The following MEIS2 variants were observed in gnomAD, a reference collection of about 807,000 sequenced individuals.
MEIS2 encodes homeobox protein Meis2.
Under a neutral mutation model 58.6 loss-of-function variants are expected in MEIS2, and 9 were observed. The ratio of observed to expected loss-of-function variants is 0.15; its 90% CI spans 0.09 to 0.27. The LOEUF (loss-of-function observed/expected upper bound fraction) is 0.27. MEIS2 is among the 10% of genes least tolerant of loss of function. MEIS2 has a pLI of 1.00. For missense variants in MEIS2, 427 were observed against 635.0 expected (o/e 0.67, Z 3.52); for synonymous variants, 221 against 228.4 (o/e 0.97, Z 0.29).
At chr15:36,957,290 C>G (rs141143679) in intron 8 of MEIS2, among the ~76,000 whole-genome samples, 1 of 151,972 alleles carries the variant, frequency 6.6e-6, no homozygotes, top group Non-Finnish European at 1.5e-5. Context: ...ATCAAAATAC[C>G]TGAAAAACAC....
At chr15:37,040,519 GCT>G (rs1393069581) in intron 7 of MEIS2, among the ~76,000 whole-genome samples, 1 of 152,162 alleles carries the variant, frequency 6.6e-6, no homozygotes, top group Non-Finnish European at 1.5e-5. Context: ...CAGGAACAGA[GCT>G]TCTTTGAAGA....
intron 8 of MEIS2, among the ~76,000 whole-genome samples, chr15:37,024,015 T>G (rs1444171542): frequency 1.3e-5 from 2 of 149,752 alleles, no homozygotes; most frequent in Non-Finnish European, 3.0e-5. Flanking sequence ...GTTCAAGCAA[T>G]TCTCCGGCCT....
chr15:37,029,642 G>A (rs568729425), intron 8 of MEIS2, among the ~76,000 whole-genome samples: 1 of 152,230 alleles, frequency 6.6e-6, no homozygotes, highest in East Asian at 1.9e-4. Context: ...GCTTCAAGCA[G>A]CTAGAAAGCC....
chr15:36,966,425 C>A (rs1449147932), intron 8 of MEIS2, among the ~76,000 whole-genome samples: 2 of 152,068 alleles, frequency 1.3e-5, no homozygotes, highest in Non-Finnish European at 2.9e-5. Flanking sequence ...CATCACCAGA[C>A]GAGTATTATG....
At chr15:37,092,987 G>A (rs1363445209) in intron 6 of MEIS2, among the ~76,000 whole-genome samples, 2 of 151,974 alleles carry the variant, frequency 1.3e-5, no homozygotes, top group Admixed American at 6.6e-5. Flanking sequence ...CTTTTATTAT[G>A]AAGATGCTTC....
chr15:37,067,571 T>C (rs1294480971), intron 7 of MEIS2, among the ~76,000 whole-genome samples: 1 of 146,560 alleles, frequency 6.8e-6, no homozygotes, highest in South Asian at 2.2e-4. Context: ...TTCTGGTCTT[T>C]AGGCAGAAAA....
intron 7 of MEIS2, among the ~76,000 whole-genome samples, chr15:37,052,286 T>G (rs1476247960): frequency 6.6e-6 from 1 of 152,224 alleles, no homozygotes; most frequent in Non-Finnish European, 1.5e-5. Flanking sequence ...TTGTGGACTG[T>G]CTACTACATG....
chr15:36,895,362 T>C (rs975926568), intron 10 of MEIS2, 101 bp from the exon 11 acceptor site: 12 of 990,102 alleles, frequency 1.2e-5, no homozygotes, highest in African/African-American at 1.6e-5. Context: ...ATAGCAACAA[T>C]GTGGTTGGCA....
At chr15:37,000,373 A>C (rs183088925) in intron 8 of MEIS2, among the ~76,000 whole-genome samples, 89 of 152,160 alleles carry the variant, frequency 5.8e-4, no homozygotes, top group Middle Eastern at 3.4e-3. Flanking sequence ...TCTCTTTACC[A>C]CCATTACCCA....
intron 7 of MEIS2, among the ~76,000 whole-genome samples, chr15:37,067,926 C>T (rs947543789): frequency 2.0e-5 from 3 of 152,166 alleles, no homozygotes; most frequent in Non-Finnish European, 4.4e-5. Context: ...CTAATAAAGC[C>T]GGTGGTCACA....
intron 8 of MEIS2, among the ~76,000 whole-genome samples, chr15:37,013,635 T>C (rs566032829): frequency 1.3e-5 from 2 of 148,692 alleles, no homozygotes; most frequent in East Asian, 1.9e-4. Context: ...ATAATACATA[T>C]ATATATTCTA....
intron 9 of MEIS2, among the ~76,000 whole-genome samples, chr15:36,927,523 TC>T (rs1438415758): frequency 6.6e-6 from 1 of 152,218 alleles, no homozygotes; most frequent in Non-Finnish European, 1.5e-5. Flanking sequence ...ACCTTGTTAA[TC>T]TTTGAAAGGA....
intron 7 of MEIS2, among the ~76,000 whole-genome samples, chr15:37,071,559 T>C (rs1055191141): frequency 1.3e-5 from 2 of 152,144 alleles, no homozygotes; most frequent in Non-Finnish European, 2.9e-5. Flanking sequence ...AACTTTTAAA[T>C]AAAACATATT....
At chr15:36,981,971 C>A (rs892245966) in intron 8 of MEIS2, among the ~76,000 whole-genome samples, 1 of 152,074 alleles carries the variant, frequency 6.6e-6, no homozygotes, top group Non-Finnish European at 1.5e-5. Flanking sequence ...GTTCTCAGGC[C>A]TTACATGTTG....
chr15:36,965,205 G>A (rs192347910), intron 8 of MEIS2, among the ~76,000 whole-genome samples: 79 of 152,168 alleles, frequency 5.2e-4, no homozygotes, highest in Middle Eastern at 3.4e-3. Flanking sequence ...TCTTCATATA[G>A]ATTAGGGAGA....
At chr15:36,975,163 T>C (rs1194769) in intron 8 of MEIS2, among the ~76,000 whole-genome samples, 134,538 of 152,226 alleles carry the variant, frequency 0.88, 59,524 homozygotes, top group East Asian at 0.95. Context: ...CATAGTCTTA[T>C]GTTACCAGGT....
chr15:37,064,862 G>A (rs1889706805), intron 7 of MEIS2, among the ~76,000 whole-genome samples: 1 of 151,986 alleles, frequency 6.6e-6, no homozygotes, highest in Admixed American at 6.6e-5. Context: ...TTCTAAAGAG[G>A]GAATAAATTA....
intron 9 of MEIS2, chr15:36,897,039 A>C (rs941441225): frequency 1.5e-4 from 31 of 207,772 alleles, no homozygotes; most frequent in Non-Finnish European, 3.0e-4. Context: ...ACTCCCCGTG[A>C]TAGGGAGACC....
At chr15:36,994,029 G>GA (rs1159959327) in intron 8 of MEIS2, among the ~76,000 whole-genome samples, 1 of 151,308 alleles carries the variant, frequency 6.6e-6, no homozygotes, top group African/African-American at 2.4e-5. Context: ...TTTTCCAAAA[G>GA]AAAAAAAAAG....
Sources: gnomAD v4.1 joint callset for allele counts (sites outside exome capture counted in the v4.1 genomes callset) on GRCh38, gnomAD v4.1.1 for gene constraint, MANE v1.5 for transcripts, NCBI Gene and HGNC (gene_info 2026-07-23, HGNC 2026-07-21) for gene names.